Variants in RNF216 observed in about 807,000 individuals in gnomAD.
RNF216 encodes ring finger protein 216, also known as E3 ubiquitin-protein ligase RNF216.
A neutral mutation model predicts 110.8 loss-of-function variants in RNF216; 72 were observed. The observed-to-expected ratio is 0.65, with a 90% CI of 0.54 to 0.79. The LOEUF is 0.79. Among genes scored for constraint, RNF216 ranks in the 30% least tolerant of loss-of-function variants. The probability of loss-of-function intolerance (pLI) is 0.00; values close to 1 mark genes in which losing one functional copy is unlikely to be tolerated. For missense variants in RNF216, 1,342 were observed against 1,141.2 expected (o/e 1.18, Z -2.54); for synonymous variants, 495 against 407.5 (o/e 1.21, Z -2.59).
At chr7:5,759,307 A>G (rs1443678618) in intron 2 of RNF216, among the ~76,000 whole-genome samples, 1 of 152,100 alleles carries the variant, frequency 6.6e-6, no homozygotes, top group Non-Finnish European at 1.5e-5. Context: ...AGTCTTGGGC[A>G]TTTCTTTACA....
At chr7:5,759,271 C>T (rs139367100) in intron 2 of RNF216, among the ~76,000 whole-genome samples, 81 of 152,234 alleles carry the variant, frequency 5.3e-4, no homozygotes, top group African/African-American at 1.8e-3. Flanking sequence ...CCAATTAAAC[C>T]TCTTTTCTTT....
chr7:5,734,391 G>C (rs1794268628), intron 5 of RNF216, among the ~76,000 whole-genome samples: 1 of 152,116 alleles, frequency 6.6e-6, no homozygotes, highest in South Asian at 2.1e-4. Flanking sequence ...TGTTCAAAAA[G>C]GATAGCAACG....
chr7:5,732,399 T>C (rs1035046111), intron 5 of RNF216, among the ~76,000 whole-genome samples: 1 of 152,204 alleles, frequency 6.6e-6, no homozygotes, highest in Non-Finnish European at 1.5e-5. Flanking sequence ...AAATGATACA[T>C]AAATACACCT....
chr7:5,673,437 G>A (rs1016344325), intron 13 of RNF216, among the ~76,000 whole-genome samples: 2 of 152,320 alleles, frequency 1.3e-5, no homozygotes, highest in South Asian at 2.1e-4. Context: ...AGAGAAGAAG[G>A]GGCCAGACTA....
chr7:5,627,096 G>A (rs1004518983), intron 15 of RNF216, among the ~76,000 whole-genome samples: 2 of 152,132 alleles, frequency 1.3e-5, no homozygotes, highest in Non-Finnish European at 2.9e-5. Context: ...TATGGCCTTC[G>A]ATGGCACAAG....
At chr7:5,763,733 C>T (rs1013985808) in intron 1 of RNF216, among the ~76,000 whole-genome samples, 10 of 152,090 alleles carry the variant, frequency 6.6e-5, no homozygotes, top group African/African-American at 2.4e-4. Context: ...CCATGCCTAG[C>T]TGAATTTTTA....
At chr7:5,720,922 T>A (rs979858634) in intron 9 of RNF216, 111 bp downstream of exon 9, 20 of 1,064,022 alleles carry the variant, frequency 1.9e-5, no homozygotes, top group Non-Finnish European at 2.6e-5. Context: ...TATCCAAATT[T>A]AACAGTCTGA....
intron 13 of RNF216, among the ~76,000 whole-genome samples, chr7:5,676,929 C>T (rs907028047): frequency 6.6e-6 from 1 of 152,152 alleles, no homozygotes; most frequent in African/African-American, 2.4e-5. Context: ...CTGGACATAA[C>T]CTCATCCAAG....
intron 13 of RNF216, among the ~76,000 whole-genome samples, chr7:5,705,432 A>C (rs1259037708): frequency 6.6e-6 from 1 of 151,976 alleles, no homozygotes; most frequent in Non-Finnish European, 1.5e-5. Context: ...CTACCTCTCA[A>C]ATCTGCTCCT....
At chr7:5,651,760 T>A (rs1411490485) in intron 14 of RNF216, among the ~76,000 whole-genome samples, 1 of 152,178 alleles carries the variant, frequency 6.6e-6, no homozygotes, top group Non-Finnish European at 1.5e-5. Flanking sequence ...CTAATTATCC[T>A]GCCTCAGCCT....
chr7:5,737,846 T>C (rs893774330), intron 5 of RNF216, among the ~76,000 whole-genome samples: 4 of 152,068 alleles, frequency 2.6e-5, no homozygotes, highest in Middle Eastern at 6.8e-3. Flanking sequence ...TCCCAGCACT[T>C]TGAGAGGTGG....
chr7:5,707,720 T>TTTTTTG (rs1792386819), intron 13 of RNF216, among the ~76,000 whole-genome samples: 1 of 49,754 alleles, frequency 2.0e-5, no homozygotes, highest in Admixed American at 2.5e-4. Flanking sequence ...TGTGTGTGGT[T>TTTTTTG]TTTTTTTTTT....
rs147257676 is a variant in RNF216, at chr7:5,753,934, G to C, written c.68-955C>G. ...CGTTTGAACTCGGGAGGCAGAGGTT[G>C]CAGTGAGCTGAGATCGCAACACTGC... On this transcript the variant is annotated intron_variant, in intron 2 of 16. Transcript: ENST00000389902. Among the ~76,000 whole-genome samples the C allele has an allele frequency of 3.7e-3, 569 of 152,224 alleles. 3 individuals are homozygous for C. Among genetic ancestry groups the C allele is most frequent in the African/African-American group, 0.013 (551 of 41,538 alleles).
intron 13 of RNF216, among the ~76,000 whole-genome samples, chr7:5,675,522 G>T (rs1390821621): frequency 1.3e-5 from 2 of 151,980 alleles, no homozygotes; most frequent in African/African-American, 2.4e-5. Flanking sequence ...CCCACTTACA[G>T]TCCCAGCTAC....
intron 9 of RNF216, among the ~76,000 whole-genome samples, chr7:5,720,682 T>C (rs1043697043): frequency 1.3e-5 from 2 of 152,094 alleles, no homozygotes; most frequent in African/African-American, 4.8e-5. Flanking sequence ...TGAGAGCCAC[T>C]GGTTTAGAAG....
At chr7:5,708,979 A>T (rs1433994600) in intron 13 of RNF216, among the ~76,000 whole-genome samples, 1 of 152,172 alleles carries the variant, frequency 6.6e-6, no homozygotes, top group African/African-American at 2.4e-5. Context: ...TCTTGTTCTC[A>T]GCAGCCCCCA....
At chr7:5,769,274 C>T (rs922146827) in intron 1 of RNF216, among the ~76,000 whole-genome samples, 15 of 151,916 alleles carry the variant, frequency 9.9e-5, no homozygotes, top group Admixed American at 7.9e-4. Context: ...TGCGCCACCA[C>T]GCCCAGCTAA....
chr7:5,762,242 G>C (rs1010575425), intron 1 of RNF216, among the ~76,000 whole-genome samples: 1 of 152,114 alleles, frequency 6.6e-6, no homozygotes, highest in Non-Finnish European at 1.5e-5. Context: ...AAAAAATACA[G>C]CCAGGCGTGG....
intron 13 of RNF216, among the ~76,000 whole-genome samples, chr7:5,677,672 G>A (rs1397574492): frequency 6.6e-6 from 1 of 152,208 alleles, no homozygotes; most frequent in Admixed American, 6.5e-5. Flanking sequence ...ATCGCTATGA[G>A]AGTAGGTGAA....
Sources: gnomAD v4.1 joint callset for allele counts (sites outside exome capture counted in the v4.1 genomes callset) on GRCh38, gnomAD v4.1.1 for gene constraint, MANE v1.5 for transcripts, NCBI Gene and HGNC (gene_info 2026-07-23, HGNC 2026-07-21) for gene names.